Variants in CNTNAP2 observed in about 807,000 individuals in gnomAD.
CNTNAP2 encodes the protein contactin-associated protein-like 2.
Under a neutral mutation model 155.2 loss-of-function variants are expected in CNTNAP2, and 98 were observed. That is an observed-to-expected ratio of 0.63 (90% CI 0.54 to 0.75). CNTNAP2 has a LOEUF of 0.75. Ranked by LOEUF, CNTNAP2 falls within the 30% of genes least tolerant of loss-of-function variation. The pLI is 0.00. For synonymous variants in CNTNAP2, 651 were observed against 631.2 expected (o/e 1.03, Z -0.47); for missense variants, 1,727 against 1,688.1 (o/e 1.02, Z -0.40).
At chr7:146,766,520 C>T (rs552364828) in intron 1 of CNTNAP2, among the ~76,000 whole-genome samples, 70 of 152,208 alleles carry the variant, frequency 4.6e-4, no homozygotes, top group African/African-American at 1.5e-3. Flanking sequence ...AACCATTTGT[C>T]CCAGAAAACT....
At chr7:146,901,502 A>G (rs1406128871) in intron 3 of CNTNAP2, among the ~76,000 whole-genome samples, 2 of 152,252 alleles carry the variant, frequency 1.3e-5, no homozygotes, top group African/African-American at 4.8e-5. Context: ...CATGCAATAT[A>G]TGTCCTAGAA....
chr7:147,406,492 T>C (rs1483693241), intron 10 of CNTNAP2, among the ~76,000 whole-genome samples: 1 of 152,224 alleles, frequency 6.6e-6, no homozygotes, highest in African/African-American at 2.4e-5. Flanking sequence ...TATTTCCATT[T>C]CCTCTTTGTA....
chr7:147,748,017 A>G (rs1165603141), intron 13 of CNTNAP2, among the ~76,000 whole-genome samples: 1 of 152,244 alleles, frequency 6.6e-6, no homozygotes, highest in African/African-American at 2.4e-5. Flanking sequence ...CCCGCCTAGC[A>G]TGCTCCCATG....
chr7:147,258,552 A>C (rs1804381051), intron 8 of CNTNAP2, among the ~76,000 whole-genome samples: 1 of 152,116 alleles, frequency 6.6e-6, no homozygotes, highest in Admixed American at 6.6e-5. Flanking sequence ...TACTTGAAGA[A>C]ATGTCCAGTC....
rs35395444 is a variant in CNTNAP2 at position 147,907,936 on chromosome 7, A to ATT, written c.2255+4227_2255+4228dup. Among the ~76,000 whole-genome samples the ATT allele has an allele frequency of 2.1e-3, 304 of 145,822 alleles. 1 individual carries two copies. Among genetic ancestry groups the ATT allele is most frequent in the African/African-American group, 5.9e-3 (234 of 39,678 alleles). Reference sequence around the variant, plus strand: ...AGGCACGCATCACCATGCCTAGCTAATTTTTTTTTTTTTGTATTTTTAGTA... The same window carrying ATT: ...AGGCACGCATCACCATGCCTAGCTAATTTTTTTTTTTTTTTGTATTTTTAGTA... On this transcript the variant is annotated intron_variant, in intron 14 of 23. Transcript: ENST00000361727.
At chr7:146,869,339 G>T (rs1173858594) in intron 3 of CNTNAP2, among the ~76,000 whole-genome samples, 1 of 152,120 alleles carries the variant, frequency 6.6e-6, no homozygotes, top group African/African-American at 2.4e-5. Context: ...ACTTATCTAT[G>T]TTGAAATAAC....
chr7:147,553,246 G>C (rs1429525976), intron 11 of CNTNAP2, among the ~76,000 whole-genome samples: 1 of 152,154 alleles, frequency 6.6e-6, no homozygotes, highest in East Asian at 1.9e-4. Flanking sequence ...TAAGATCGCA[G>C]AGACCAGTGC....
intron 2 of CNTNAP2, among the ~76,000 whole-genome samples, chr7:146,819,690 G>T (rs1217439823): frequency 6.6e-6 from 1 of 152,056 alleles, no homozygotes; most frequent in East Asian, 1.9e-4. Context: ...CTCAAGTTAA[G>T]ACTAAAACAC....
At chr7:147,779,385 A>G (rs1355288088) in intron 13 of CNTNAP2, among the ~76,000 whole-genome samples, 1 of 152,190 alleles carries the variant, frequency 6.6e-6, no homozygotes, top group Non-Finnish European at 1.5e-5. Flanking sequence ...ACCAATGGCA[A>G]TTTTCATGTT....
intron 1 of CNTNAP2, among the ~76,000 whole-genome samples, chr7:146,332,138 TTTTA>T (rs1331935097): frequency 6.6e-6 from 1 of 151,810 alleles, no homozygotes; most frequent in East Asian, 1.9e-4. Context: ...CATGTATCTA[TTTTA>T]TTTATTAAAT....
At chr7:147,566,953 A>G (rs2116799554) in intron 12 of CNTNAP2, among the ~76,000 whole-genome samples, 1 of 152,314 alleles carries the variant, frequency 6.6e-6, no homozygotes, top group Admixed American at 6.5e-5. Context: ...GACTGCTTGG[A>G]TCCTAGAGAA....
At chr7:147,184,762 A>C (rs1310215375) in intron 8 of CNTNAP2, among the ~76,000 whole-genome samples, 1 of 152,198 alleles carries the variant, frequency 6.6e-6, no homozygotes, top group African/African-American at 2.4e-5. Context: ...AAAGAAAAGA[A>C]GGGATCGCAA....
intron 1 of CNTNAP2, among the ~76,000 whole-genome samples, chr7:146,588,525 T>G (rs921283785): frequency 5.7e-5 from 8 of 141,236 alleles, no homozygotes; most frequent in East Asian, 1.9e-4. Flanking sequence ...TGTATTTTTT[T>G]TTTTTTAAAT....
At chr7:146,850,951 C>T (rs890397379) in intron 3 of CNTNAP2, among the ~76,000 whole-genome samples, 2 of 151,958 alleles carry the variant, frequency 1.3e-5, no homozygotes, top group Middle Eastern at 3.4e-3. Context: ...TGTAATATAG[C>T]GCTTGTATAT....
At chr7:148,397,037 A>C (rs1177296061) in intron 22 of CNTNAP2, among the ~76,000 whole-genome samples, 1 of 152,230 alleles carries the variant, frequency 6.6e-6, no homozygotes, top group Non-Finnish European at 1.5e-5. Context: ...TTAAATTTGT[A>C]AACTATTTTA....
chr7:147,756,305 T>C (rs1189067530), intron 13 of CNTNAP2, among the ~76,000 whole-genome samples: 4 of 152,138 alleles, frequency 2.6e-5, no homozygotes, highest in Non-Finnish European at 5.9e-5. Flanking sequence ...AGCTTTTTTT[T>C]CCCCACTGAT....
intron 1 of CNTNAP2, among the ~76,000 whole-genome samples, chr7:146,209,305 G>T (rs1798998936): frequency 1.3e-5 from 2 of 152,062 alleles, no homozygotes; most frequent in Non-Finnish European, 2.9e-5. Context: ...GGATTCTCTG[G>T]GTCTCTTATG....
intron 13 of CNTNAP2, among the ~76,000 whole-genome samples, chr7:147,764,621 G>A (rs574729587): frequency 6.6e-6 from 1 of 152,270 alleles, no homozygotes; most frequent in East Asian, 1.9e-4. Flanking sequence ...AAAAAATGGT[G>A]AGTCAATATA....
chr7:147,463,303 TA>T (rs1342138525), intron 10 of CNTNAP2, among the ~76,000 whole-genome samples: 2 of 152,326 alleles, frequency 1.3e-5, no homozygotes, highest in South Asian at 4.1e-4. Context: ...ACAGATGCTT[TA>T]AAAAAATGTT....
Sources: allele counts gnomAD v4.1 joint callset (sites outside exome capture counted in the v4.1 genomes callset), GRCh38; gene constraint gnomAD v4.1.1; transcripts MANE v1.5; gene names NCBI Gene and HGNC (gene_info 2026-07-23, HGNC 2026-07-21).